CHD9: variants seen among roughly 807,000 people sequenced by gnomAD.
The protein encoded by CHD9 is chromodomain helicase DNA binding protein 9, also known as ATP-dependent chromatin remodeler CHD9.
Under a neutral mutation model 316.1 loss-of-function variants are expected in CHD9, and 77 were observed. The ratio of observed to expected loss-of-function variants is 0.24; its 90% CI spans 0.20 to 0.29. CHD9 has a LOEUF of 0.29. Among genes scored for constraint, CHD9 ranks in the 10% least tolerant of loss-of-function variants. The pLI, the probability that CHD9 is intolerant of heterozygous loss-of-function variation, is 1.00. For synonymous variants in CHD9, 1,129 were observed against 1,158.3 expected, an observed-to-expected ratio of 0.97 and a Z score of 0.51; for missense variants, 2,763 against 3,438.1, an observed-to-expected ratio of 0.80 and a Z score of 4.91.
In CHD9 at chr16:53,157,083, T is replaced by G. The variant is rs376197651; in HGVS notation, c.994T>G (p.Leu332Val). ...GCATATCCTAAACCCCAATACATCA[T>G]TGAATTCAAATAATTTCCAAATATT... ...TQHILNPNTS[L>V]NSNNFQILHS... is the part of the protein sequence containing the mutation. The change falls in exon 2 of 39, where the codon TTG (leucine) becomes GTG (valine). Residue 332 changes from leucine (L) to valine (V), a missense_variant. Physicochemically the swap from Leu to Val is conservative, Grantham distance 32 (BLOSUM62 1). This residue lies in a region of CHD9 where 859 missense variants were observed against 890.4 expected (regional missense o/e 0.96). Transcript: ENST00000447540. 1.9e-6 allele frequency: 3 copies of G among 1,612,916 alleles called. No homozygotes were observed. The East Asian group carries it at 6.7e-5, about 36-fold the overall frequency.
intron 30 of CHD9, chr16:53,299,585 G>A (rs1242893184): frequency 7.4e-6 from 3 of 408,042 alleles, no homozygotes. Flanking sequence ...CCCTCCAAAA[G>A]CTGGAGATGA....
chr16:53,133,586 C>T lies in CHD9; in HGVS notation c.-164-22340C>T, dbSNP rs2039495913. Among the ~76,000 whole-genome samples the T allele has an allele frequency of 3.9e-5, 6 of 152,276 alleles. No individual in the cohort carries two copies. In the South Asian group the frequency reaches 1.2e-3, roughly 32 times the overall value. On this transcript the variant is annotated intron_variant, in intron 1 of 38. Coordinates refer to ENST00000447540, the MANE Select transcript of CHD9 (RefSeq NM_001308319.2). Reference sequence around the variant, plus strand: ...GACATCCGTGAGCCTTAGTTTCCTCCTGTGTAAAACTTTGTTTCCTCCAGT... The same window carrying T: ...GACATCCGTGAGCCTTAGTTTCCTCTTGTGTAAAACTTTGTTTCCTCCAGT...
intron 1 of CHD9, among the ~76,000 whole-genome samples, chr16:53,118,048 C>T (rs2038450483): frequency 6.6e-6 from 1 of 151,792 alleles, no homozygotes; most frequent in African/African-American, 2.4e-5. Flanking sequence ...AGGGCAGTTT[C>T]GATCTCCTGA....
rs1395308687 is a variant in CHD9, at chr16:53,255,708, G to A, written c.4138G>A (p.Asp1380Asn). The A allele has an allele frequency of 3.1e-6, 5 of 1,613,762 alleles. No individual in the cohort carries two copies. Among genetic ancestry groups the A allele is most frequent in the African/African-American group, 1.3e-5 (1 of 74,922 alleles). ...CTCTAAATTCTGCGAAGAGGATATCGATCAGATTTTACTACGTCGTACAAA... is the reference window on the plus strand; with the variant it reads ...CTCTAAATTCTGCGAAGAGGATATCAATCAGATTTTACTACGTCGTACAAA... ...EGSKFCEEDI[D>N]QILLRRTKTI... Residue 1380 changes from aspartate (D) to asparagine (N), a missense_variant, in exon 19 of 39, where the codon GAT (aspartate) becomes AAT (asparagine). Asp to Asn is a conservative substitution (Grantham distance 23). Around this residue, in one of 15 missense-constraint regions of CHD9, gnomAD observed 199 missense variants for 251.7 expected, o/e 0.79. Transcript: ENST00000447540.
chr16:53,236,408 T>G (rs891742696), intron 11 of CHD9, among the ~76,000 whole-genome samples: 2 of 152,076 alleles, frequency 1.3e-5, no homozygotes, highest in Non-Finnish European at 2.9e-5. Context: ...ACCACTGCCC[T>G]CATGTATCAG....
At chr16:53,296,601 C>T (rs1250313413) in intron 29 of CHD9, among the ~76,000 whole-genome samples, 2 of 151,866 alleles carry the variant, frequency 1.3e-5, no homozygotes, top group Admixed American at 1.3e-4. Flanking sequence ...CCACCATGCC[C>T]AGCTAATTTT....
intron 19 of CHD9, among the ~76,000 whole-genome samples, chr16:53,261,109 A>AG (rs398029402): frequency 4.0e-5 from 6 of 151,244 alleles, no homozygotes; most frequent in South Asian, 2.1e-4. Context: ...AAAAAAAAAA[A>AG]GGGAATTTAA....
intron 1 of CHD9, among the ~76,000 whole-genome samples, chr16:53,145,901 G>A (rs2040534961): frequency 2.0e-5 from 3 of 152,070 alleles, no homozygotes; most frequent in African/African-American, 7.2e-5. Flanking sequence ...AAGATATTCT[G>A]ACACATGCTA....
intron 13 of CHD9, 148 bp downstream of exon 13, chr16:53,243,164 G>T: frequency 1.9e-6 from 1 of 536,300 alleles, no homozygotes; most frequent in South Asian, 3.6e-5. Context: ...TTTTTGGGGG[G>T]CCTTAATTTG....
At chr16:53,118,409 T>A (rs560968674) in intron 1 of CHD9, among the ~76,000 whole-genome samples, 36 of 152,172 alleles carry the variant, frequency 2.4e-4, no homozygotes, top group Non-Finnish European at 4.7e-4. Context: ...AGAGCAAGAA[T>A]CTGTCTCAAA....
At chr16:53,238,826 C>T (rs748818484) in intron 12 of CHD9, among the ~76,000 whole-genome samples, 3 of 152,060 alleles carry the variant, frequency 2.0e-5, no homozygotes, top group African/African-American at 4.8e-5. Context: ...AAACAATGCA[C>T]GAGTTTCATT....
chr16:53,185,932 G>A (rs1197038294), intron 2 of CHD9, among the ~76,000 whole-genome samples: 3 of 152,238 alleles, frequency 2.0e-5, no homozygotes, highest in Middle Eastern at 3.2e-3. Context: ...AGGCTTGGAT[G>A]TCCAGGCAGA....
At position 53,321,546 on chromosome 16, in the gene CHD9, C is replaced by G. The variant is rs754386235; in HGVS notation, c.7734C>G (p.Pro2578=). Residue 2578 remains proline, a synonymous_variant, in exon 38 of 39, where the codon CCC becomes CCG. Transcript: ENST00000447540. The stretch of plus-strand genomic sequence containing the variant: ...TACAGGTTGGAGGTGCATTTGCTCC[C>G]CCTTTGAAAGATTTATGTAGATTCC... ...NARKVGGAFA[P]PLKDLCRFLK... is the part of the protein sequence containing the mutation. 3 of 1,541,872 alleles carry G rather than the reference C, an allele frequency of 1.9e-6. No individual in the cohort carries two copies. Among genetic ancestry groups the G allele is most frequent in the East Asian group, 2.3e-5 (1 of 42,864 alleles).
chr16:53,114,799 G>A (rs1172168969), intron 1 of CHD9, among the ~76,000 whole-genome samples: 1 of 150,790 alleles, frequency 6.6e-6, no homozygotes, highest in Non-Finnish European at 1.5e-5. Flanking sequence ...GTGTTAGCCA[G>A]GATGGTCTCG....
rs752773986 is a variant in CHD9, at chr16:53,156,270, A to G, written c.181A>G (p.Thr61Ala). 2.5e-6 allele frequency: 4 copies of G among 1,613,866 alleles called. No homozygotes were observed. In the East Asian group the frequency reaches 6.7e-5, roughly 27 times the overall value. Residue 61 changes from threonine (T) to alanine (A), a missense_variant, in exon 2 of 39, where the codon ACA (threonine) becomes GCA (alanine). Transcript: ENST00000447540. ...DSLNHVQGTP[T>A]HQKMTDFEQL... The stretch of plus-strand genomic sequence containing the variant: ...ACTGAACCATGTTCAAGGTACTCCA[A>G]CACATCAGAAGATGACTGATTTTGA...
At chr16:53,289,923 A>G (rs1597841670) in intron 27 of CHD9, among the ~76,000 whole-genome samples, 2 of 152,212 alleles carry the variant, frequency 1.3e-5, no homozygotes, top group African/African-American at 4.8e-5. Context: ...CTTCACTCAC[A>G]AAACCACTCA....
At chr16:53,085,958 A>G (rs1175222626) in intron 1 of CHD9, among the ~76,000 whole-genome samples, 1 of 152,206 alleles carries the variant, frequency 6.6e-6, no homozygotes, top group Non-Finnish European at 1.5e-5. Context: ...AACAGAGCTA[A>G]GAGAAGATTT....
intron 1 of CHD9, among the ~76,000 whole-genome samples, chr16:53,128,349 ATGT>A (rs988227231): frequency 2.0e-5 from 3 of 152,046 alleles, no homozygotes; most frequent in Admixed American, 6.6e-5. Context: ...AGCCCAGCTA[ATGT>A]TGTATTTTTA....
chr16:53,249,143 T>G (rs542937627), intron 16 of CHD9, among the ~76,000 whole-genome samples: 1 of 152,182 alleles, frequency 6.6e-6, no homozygotes, highest in South Asian at 2.1e-4. Context: ...AAATTCAGAG[T>G]TTCTTTATTG....
Sources: allele counts gnomAD v4.1 joint callset (sites outside exome capture counted in the v4.1 genomes callset), GRCh38; gene constraint gnomAD v4.1.1; regional missense constraint gnomAD v4.1.1; transcripts MANE v1.5; gene names NCBI Gene and HGNC (gene_info 2026-07-23, HGNC 2026-07-21).